Variants in EML4 observed in about 807,000 individuals in gnomAD.
EML4 encodes the protein echinoderm microtubule-associated protein-like 4.
A neutral mutation model predicts 129.0 loss-of-function variants in EML4; 72 were observed. That is an observed-to-expected ratio of 0.56 (90% CI 0.46 to 0.68). The LOEUF (loss-of-function observed/expected upper bound fraction) is 0.68, where lower values mean the gene tolerates loss of function less well. Ranked by LOEUF, EML4 falls within the 30% of genes least tolerant of loss-of-function variation. The pLI is 0.00. For synonymous variants in EML4, 532 were observed against 405.0 expected (o/e 1.31, Z -3.77); for missense variants, 1,363 against 1,190.6 (o/e 1.14, Z -2.13).
At chr2:42,196,262 T>G (rs561929453) in intron 1 of EML4, among the ~76,000 whole-genome samples, 4 of 152,350 alleles carry the variant, frequency 2.6e-5, no homozygotes, top group African/African-American at 9.6e-5. Flanking sequence ...ATATTTACCT[T>G]GCAAGATCAG....
intron 19 of EML4, among the ~76,000 whole-genome samples, chr2:42,317,761 C>T (rs942951721): frequency 6.6e-6 from 1 of 152,182 alleles, no homozygotes; most frequent in African/African-American, 2.4e-5. Flanking sequence ...AGTTTTAAAA[C>T]AGTTTCTTAA....
chr2:42,318,319 T>C (rs1439304264), intron 19 of EML4, among the ~76,000 whole-genome samples: 1 of 152,234 alleles, frequency 6.6e-6, no homozygotes, highest in African/African-American at 2.4e-5. Context: ...TAGAAGCATA[T>C]ACATCTTGTA....
intron 6 of EML4, among the ~76,000 whole-genome samples, chr2:42,278,497 C>T (rs1199403114): frequency 6.8e-6 from 1 of 146,790 alleles, no homozygotes; most frequent in East Asian, 2.1e-4. Flanking sequence ...TCACTTAAAC[C>T]CGGGTGGCGG....
chr2:42,169,522 G>T lies in EML4; in HGVS notation c.-90G>T, dbSNP rs577100563. On this transcript the variant is annotated 5_prime_UTR_variant, in exon 1 of 23. Transcript: ENST00000318522. ...CCGAGCCGGGCGACCTAGAGAACGA[G>T]CGGGTCAGGCTCAGCGTCGGCCACT... is the stretch of plus-strand genomic sequence containing the variant. 3 of 1,446,560 alleles carry T rather than the reference G, an allele frequency of 2.1e-6. No individual in the cohort carries two copies. Among genetic ancestry groups the T allele is most frequent in the Non-Finnish European group, 2.8e-6 (3 of 1,083,276 alleles). 89.6% of individuals were successfully genotyped at this position (1,446,560 alleles called of 1,614,324 possible). A position where few individuals can be genotyped will look rare whatever the true frequency, so the allele number is the denominator to read the frequency against.
intron 1 of EML4, among the ~76,000 whole-genome samples, chr2:42,175,109 T>TTTTG (rs778141349): frequency 2.3e-4 from 33 of 143,228 alleles, no homozygotes; most frequent in African/African-American, 4.9e-4. Flanking sequence ...CTGGCCGTGT[T>TTTTG]TTTGTTTGTT....
At chr2:42,259,970 TC>T (rs1389651290) in intron 3 of EML4, among the ~76,000 whole-genome samples, 9 of 151,968 alleles carry the variant, frequency 5.9e-5, no homozygotes, top group African/African-American at 2.2e-4. Flanking sequence ...AACCTCGTGA[TC>T]CACCCACCTC....
intron 1 of EML4, among the ~76,000 whole-genome samples, chr2:42,184,421 C>T (rs1671126573): frequency 7.4e-6 from 1 of 134,792 alleles, no homozygotes; most frequent in Admixed American, 8.5e-5. Flanking sequence ...TGCTAACACA[C>T]CATTTTCATT....
intron 6 of EML4, among the ~76,000 whole-genome samples, chr2:42,267,107 C>G (rs371742007): frequency 5.3e-5 from 8 of 152,106 alleles, no homozygotes; most frequent in African/African-American, 1.7e-4. Flanking sequence ...TTCAACCTCC[C>G]TAAGTCTTTG....
chr2:42,193,529 A>T (rs1013146451), intron 1 of EML4, among the ~76,000 whole-genome samples: 6 of 152,240 alleles, frequency 3.9e-5, no homozygotes, highest in African/African-American at 1.4e-4. Flanking sequence ...GCCAAACCCA[A>T]TCTGATGCTA....
rs35916382 is a variant in EML4, at chr2:42,278,573, CAAAAAAAAAAA to C, written c.668-2257_668-2247del. Among the ~76,000 whole-genome samples, 92 of 54,296 alleles carry C rather than the reference CAAAAAAAAAAA, an allele frequency of 1.7e-3. 1 individual carries two copies. The East Asian group carries it at 0.019, about 11-fold the overall frequency. 35.6% of individuals were successfully genotyped at this position (54,296 alleles called of 152,430 possible). On this transcript the variant is annotated intron_variant, in intron 6 of 22. Coordinates refer to ENST00000318522, the MANE Select transcript of EML4 (RefSeq NM_019063.5). ...TGGGTGACAGAGCGGGACTCCATCT[CAAAAAAAAAAA>C]AAAAAAAAAAAAAAAAAAATCCATC...
chr2:42,230,499 C>T (rs1572588406), intron 1 of EML4, among the ~76,000 whole-genome samples: 1 of 152,108 alleles, frequency 6.6e-6, no homozygotes, highest in Non-Finnish European at 1.5e-5. Context: ...CTCCGCCTCC[C>T]AGGTTCAAGT....
chr2:42,243,696 G>A (rs1251498147), intron 1 of EML4, among the ~76,000 whole-genome samples: 3 of 152,204 alleles, frequency 2.0e-5, no homozygotes, highest in African/African-American at 4.8e-5. Context: ...AGTAAAGACA[G>A]AAGAGAGTAC....
Position 42,322,951 on chromosome 2 carries a change from TCTC to T in EML4, c.2155-2513_2155-2511del, listed in dbSNP as rs558888595. Among the ~76,000 whole-genome samples, 11 of 152,318 alleles carry T rather than the reference TCTC, an allele frequency of 7.2e-5. No homozygotes were observed. In the East Asian group the frequency reaches 7.7e-4, roughly 11 times the overall value. On this transcript the variant is annotated intron_variant, in intron 19 of 22. Coordinates refer to ENST00000318522, the MANE Select transcript of EML4 (RefSeq NM_019063.5). ...AAGATCTTTTCTAAATTTGGGGACTTCTCCTACTCAAGAGTCCTTTTTGAGAAT... is the reference window on the plus strand; with the variant it reads ...AAGATCTTTTCTAAATTTGGGGACTTCTACTCAAGAGTCCTTTTTGAGAAT...
At chr2:42,316,303 G>A (rs1217716672) in intron 18 of EML4, among the ~76,000 whole-genome samples, 1 of 152,104 alleles carries the variant, frequency 6.6e-6, no homozygotes, top group Non-Finnish European at 1.5e-5. Context: ...AGAATAAAGT[G>A]CAGTCAGATC....
intron 1 of EML4, among the ~76,000 whole-genome samples, chr2:42,212,311 AATGC>A (rs1314469483): frequency 6.6e-6 from 1 of 152,230 alleles, no homozygotes. Flanking sequence ...CTTTCAAAGT[AATGC>A]ATGCTATTTG....
chr2:42,196,328 A>G (rs1258318140), intron 1 of EML4, among the ~76,000 whole-genome samples: 3 of 152,226 alleles, frequency 2.0e-5, no homozygotes. Context: ...GATGATCACC[A>G]TCTGTTGACG....
Position 42,330,351 on chromosome 2 carries a change from T to C in EML4, c.*144T>C, listed in dbSNP as rs1670042095. ...GATTTGTTTTCTTCAATAGTCTTAT[T>C]TTCAGTCTCTCAAATACAGCCAACT... On this transcript the variant is annotated 3_prime_UTR_variant, in exon 23 of 23. Coordinates refer to ENST00000318522, the MANE Select transcript of EML4 (RefSeq NM_019063.5). 4 of 770,406 alleles carry C rather than the reference T, an allele frequency of 5.2e-6. No homozygotes were observed. Among genetic ancestry groups the C allele is most frequent in the Non-Finnish European group, 8.9e-6 (4 of 447,958 alleles). The allele number at this position is 770,406 out of a possible 1,614,324, so 47.7% of individuals were successfully genotyped here.
Position 42,268,158 on chromosome 2 carries a change from A to G in EML4, c.667+3427A>G, listed in dbSNP as rs374094802. Among the ~76,000 whole-genome samples the G allele has an allele frequency of 2.0e-5, 3 of 152,230 alleles. No individual in the cohort carries two copies. In the East Asian group the frequency reaches 5.8e-4, roughly 29 times the overall value. ...CTGCGGATTTCACATTCCTGGATTC[A>G]ACCGACCTGCATTCGAAATATTAAA... On this transcript the variant is annotated intron_variant, in intron 6 of 22. Coordinates refer to ENST00000318522, the MANE Select transcript of EML4 (RefSeq NM_019063.5).
At chr2:42,258,647 G>A (rs1306268753) in intron 3 of EML4, among the ~76,000 whole-genome samples, 2 of 151,928 alleles carry the variant, frequency 1.3e-5, no homozygotes, top group South Asian at 2.1e-4. Context: ...TCATCCGCCC[G>A]CCTTAACCTC....
Sources: gnomAD v4.1 joint callset for allele counts (sites outside exome capture counted in the v4.1 genomes callset) on GRCh38, gnomAD v4.1.1 for gene constraint, MANE v1.5 for transcripts, NCBI Gene and HGNC (gene_info 2026-07-23, HGNC 2026-07-21) for gene names.